The following IL4I1 variants were observed in gnomAD, a reference collection of about 807,000 sequenced individuals.
IL4I1 encodes L-amino-acid oxidase.
A neutral mutation model predicts 29.7 loss-of-function variants in IL4I1; 24 were observed. The ratio of observed to expected loss-of-function variants is 0.81; its 90% confidence interval spans 0.59 to 1.14. IL4I1 has a LOEUF of 1.14. Among genes scored for constraint, IL4I1 ranks in the 50% most tolerant of loss-of-function variants. IL4I1 has a pLI of 0.00. For synonymous variants in IL4I1, 371 were observed against 352.5 expected, an observed-to-expected ratio of 1.05 and a Z score of -0.59; for missense variants, 686 against 785.6, an observed-to-expected ratio of 0.87 and a Z score of 1.52.
upstream of IL4I1, among the ~76,000 whole-genome samples, chr19:49,900,413 G>A (rs2075261330): frequency 6.6e-6 from 1 of 152,074 alleles, no homozygotes; most frequent in South Asian, 2.1e-4. Context: ...AGCCTCCCCA[G>A]TAGCTGGGAT....
intron 2 of IL4I1, among the ~76,000 whole-genome samples, chr19:49,920,709 C>A (rs943384528): frequency 2.0e-5 from 3 of 152,214 alleles, no homozygotes; most frequent in Non-Finnish European, 4.4e-5. Context: ...TGGTTGAGAA[C>A]AGGCTGGGGA....
chr19:49,890,690 C>T, intron 7 of IL4I1, 90 bp from the exon 8 acceptor site: 3 of 1,212,082 alleles, frequency 2.5e-6, no homozygotes, highest in South Asian at 1.6e-5. Context: ...GCAGCTGGCC[C>T]TTATGGGCAC....
intron 5 of IL4I1, among the ~76,000 whole-genome samples, chr19:49,893,474 C>T (rs1051992525): frequency 1.3e-5 from 2 of 151,324 alleles, no homozygotes; most frequent in African/African-American, 4.9e-5. Flanking sequence ...ATGGGGGCAC[C>T]GGGAGGAGGA....
chr19:49,908,069 A>G, intron 2 of IL4I1: 7 of 1,397,062 alleles, frequency 5.0e-6, no homozygotes, highest in Non-Finnish European at 6.6e-6. Context: ...GGCCCAGAAT[A>G]CCCTCCTAAA....
chr19:49,920,217 G>A (rs2075732091), intron 2 of IL4I1, among the ~76,000 whole-genome samples: 1 of 152,204 alleles, frequency 6.6e-6, no homozygotes, highest in South Asian at 2.1e-4. Context: ...CAAGTAGCTG[G>A]GACTACAGGC....
rs79342675 is a variant in IL4I1, at chr19:49,923,404, G to A, written c.-228+4290C>T. Among the ~76,000 whole-genome samples, 20 of 152,316 alleles carry A rather than the reference G, an allele frequency of 1.3e-4. No individual in the cohort carries two copies. In the East Asian group the frequency reaches 3.9e-3, roughly 29 times the overall value. ...GCCTACGGAAATAGCAGCACAGGGC[G>A]GGGGGTTGTGGGGAACGTTTCTGGG... is the stretch of plus-strand genomic sequence containing the variant. On this transcript the variant is annotated intron_variant, in intron 2 of 9. Transcript: ENST00000341114.
At chr19:49,904,614 T>C (rs1166600295) in intron 2 of IL4I1, among the ~76,000 whole-genome samples, 1 of 152,130 alleles carries the variant, frequency 6.6e-6, no homozygotes, top group Non-Finnish European at 1.5e-5. Flanking sequence ...AGTGGCGCGA[T>C]CTTGGCTCAC....
At chr19:49,902,689 G>A (rs907072611) in intron 3 of IL4I1, among the ~76,000 whole-genome samples, 9 of 152,044 alleles carry the variant, frequency 5.9e-5, no homozygotes, top group Middle Eastern at 3.2e-3. Context: ...TTAGCCAGGC[G>A]TGGTGGCGGG....
chr19:49,912,146 T>C (rs1247985643), intron 2 of IL4I1, among the ~76,000 whole-genome samples: 1 of 151,748 alleles, frequency 6.6e-6, no homozygotes, highest in Non-Finnish European at 1.5e-5. Context: ...TATGGGGACT[T>C]GTCTGGCTTA....
intron 2 of IL4I1, among the ~76,000 whole-genome samples, chr19:49,914,726 GTTTTTTTTTTTT>G (rs530372497): frequency 0.038 from 2,153 of 56,364 alleles, 73 homozygotes; most frequent in African/African-American, 0.13. Flanking sequence ...CCAAGTCCCA[GTTTTTTTTTTTT>G]TTTTTTTTTT....
In IL4I1 at chr19:49,890,988, G is replaced by A. The variant is rs772283932; in HGVS notation, c.756C>T (p.Cys252=). ...SFAEALRAHS[C]LSDRLQYSRI... is the part of the protein sequence containing the mutation. Reference sequence around the variant, plus strand: ...CCCCTTACTGGAGTCTGTCGCTGAGGCAGCTGTGGGCCCGGAGGGCCTCGG... The same window carrying A: ...CCCCTTACTGGAGTCTGTCGCTGAGACAGCTGTGGGCCCGGAGGGCCTCGG... Residue 252 remains cysteine, a synonymous_variant, in exon 7 of 8, where the codon TGC becomes TGT. Coordinates refer to ENST00000391826, the MANE Select transcript of IL4I1 (RefSeq NM_152899.2). 6.3e-7 allele frequency: 1 copy of A among 1,595,744 alleles called. No homozygotes were observed. Among genetic ancestry groups the A allele is most frequent in the Admixed American group, 1.7e-5 (1 of 57,790 alleles).
In IL4I1 at chr19:49,895,168, C is replaced by T. The variant is rs1464840797; in HGVS notation, c.265G>A (p.Glu89Lys). 1 of 1,613,690 alleles carries T rather than the reference C, an allele frequency of 6.2e-7. No homozygotes were observed. Among genetic ancestry groups the T allele is most frequent in the East Asian group, 2.2e-5 (1 of 44,884 alleles). ...CGGCCCCCGATCCTGTTATCTGCCT[C>T]CAGGATGGTGACCTGAGGGAGTCCG... is the stretch of plus-strand genomic sequence containing the variant. ...SDAGHKVTIL[E>K]ADNRIGGRIF... The change falls in exon 4 of 8, where the codon GAG (glutamate) becomes AAG (lysine). Residue 89 changes from glutamate to lysine, a missense_variant. Transcript: ENST00000391826.
chr19:49,914,743 T>TTTG (rs2075580302), intron 2 of IL4I1, among the ~76,000 whole-genome samples: 1 of 129,408 alleles, frequency 7.7e-6, no homozygotes, highest in Non-Finnish European at 1.7e-5. Context: ...TTTTTTTTTT[T>TTTG]TTTTTTTTTT....
chr19:49,892,832 G>A (rs1424171575), intron 5 of IL4I1, among the ~76,000 whole-genome samples: 1 of 152,178 alleles, frequency 6.6e-6, no homozygotes, highest in Non-Finnish European at 1.5e-5. Context: ...GGTCTAGAAG[G>A]GGAGATGGGC....
chr19:49,901,005 T>C (rs1174794314), upstream of IL4I1, among the ~76,000 whole-genome samples: 1 of 152,222 alleles, frequency 6.6e-6, no homozygotes, highest in Non-Finnish European at 1.5e-5. Flanking sequence ...TGCACAGATG[T>C]GCTGGGGACC....
chr19:49,907,309 A>G (rs1008795110), intron 2 of IL4I1: 5 of 308,788 alleles, frequency 1.6e-5, no homozygotes, highest in Non-Finnish European at 2.5e-5. Context: ...GGTGAGGCCC[A>G]AGGTGGGGGT....
At chr19:49,890,712 C>T (rs1243112578) in intron 7 of IL4I1, 112 bp from the exon 8 acceptor site, 6 of 1,023,770 alleles carry the variant, frequency 5.9e-6, no homozygotes, top group South Asian at 1.7e-5. Context: ...GGCCCGCTCC[C>T]CCGTCATCCA....
intron 2 of IL4I1, among the ~76,000 whole-genome samples, chr19:49,914,803 G>A (rs1475340690): frequency 7.1e-6 from 1 of 140,400 alleles, no homozygotes; most frequent in Non-Finnish European, 1.5e-5. Flanking sequence ...GTGGTGGTGC[G>A]ATCTTGGCTC....
upstream of IL4I1, among the ~76,000 whole-genome samples, chr19:49,899,050 C>T (rs1006055056): frequency 1.1e-4 from 17 of 152,230 alleles, no homozygotes; most frequent in Non-Finnish European, 2.1e-4. Flanking sequence ...ATGAACGCGG[C>T]GGGATTGGGG....
Sources: allele counts gnomAD v4.1 joint callset (sites outside exome capture counted in the v4.1 genomes callset), GRCh38; gene constraint gnomAD v4.1.1; transcripts MANE v1.5; gene names NCBI Gene and HGNC (gene_info 2026-07-23, HGNC 2026-07-21).